DCLK1: variants seen among roughly 807,000 people sequenced by gnomAD.
DCLK1 encodes the protein serine/threonine-protein kinase DCLK1.
A neutral mutation model predicts 86.2 loss-of-function variants in DCLK1; 16 were observed. The observed-to-expected ratio is 0.19, with a 90% CI of 0.13 to 0.28. The LOEUF (loss-of-function observed/expected upper bound fraction) is 0.28. Ranked by LOEUF, DCLK1 falls within the 10% of genes least tolerant of loss-of-function variation. DCLK1 has a pLI of 1.00. For missense variants in DCLK1, 590 were observed against 940.2 expected (o/e 0.63, Z 4.87); for synonymous variants, 369 against 370.5 (o/e 1.00, Z 0.05).
chr13:35,889,737 T>C (rs966027025), intron 4 of DCLK1, among the ~76,000 whole-genome samples: 3 of 152,186 alleles, frequency 2.0e-5, no homozygotes, highest in African/African-American at 7.2e-5. Context: ...ATGACATTTA[T>C]TTTGACAAAC....
intron 4 of DCLK1, among the ~76,000 whole-genome samples, chr13:35,877,922 C>T (rs1277355956): frequency 1.3e-5 from 2 of 152,210 alleles, no homozygotes; most frequent in African/African-American, 4.8e-5. Flanking sequence ...TCTGATTCTC[C>T]AATTCTCCAA....
At chr13:36,073,611 T>C (rs903814465) in intron 3 of DCLK1, among the ~76,000 whole-genome samples, 1 of 152,130 alleles carries the variant, frequency 6.6e-6, no homozygotes, top group African/African-American at 2.4e-5. Flanking sequence ...GGAAGATGAA[T>C]GGTGTCCTGT....
At chr13:36,048,848 G>A (rs1593846514) in intron 3 of DCLK1, among the ~76,000 whole-genome samples, 1 of 152,106 alleles carries the variant, frequency 6.6e-6, no homozygotes, top group East Asian at 1.9e-4. Context: ...GCACCTGTGG[G>A]CAAATGCTGC....
rs1884906109 is a variant in DCLK1, at chr13:36,093,470, A to G, written c.723+18399T>C. On this transcript the variant is annotated intron_variant, in intron 3 of 16. Coordinates refer to ENST00000360631, the MANE Select transcript of DCLK1 (RefSeq NM_001330071.2). Reference sequence around the variant, plus strand: ...TAGACCATGACTTCCATGTTTTTAAATGAAAACAGCACCGTGTGATTAAAG... The same window carrying G: ...TAGACCATGACTTCCATGTTTTTAAGTGAAAACAGCACCGTGTGATTAAAG... Among the ~76,000 whole-genome samples the G allele has an allele frequency of 2.6e-5, 4 of 152,354 alleles. No individual in the cohort carries two copies. In the South Asian group the frequency reaches 8.3e-4, roughly 32 times the overall value.
At chr13:36,119,666 A>G (rs1241764428) in intron 2 of DCLK1, among the ~76,000 whole-genome samples, 1 of 152,130 alleles carries the variant, frequency 6.6e-6, no homozygotes, top group Non-Finnish European at 1.5e-5. Flanking sequence ...ACAAACCCAA[A>G]CTGTGGGACA....
chr13:35,827,847 G>C, intron 9 of DCLK1, 93 bp from the exon 10 acceptor site: 3 of 1,474,922 alleles, frequency 2.0e-6, no homozygotes, highest in Non-Finnish European at 2.8e-6. Context: ...AGGGTCAAGA[G>C]AGATGCATTT....
In DCLK1 at chr13:35,944,181, C is replaced by G. The variant is rs2153132497; in HGVS notation, c.823+3177G>C. On this transcript the variant is annotated intron_variant, in intron 4 of 16. Transcript: ENST00000360631. ...TCCAAGGATGGACCTTAAGAGACAT[C>G]CTTAGGAGATTTCCTAGCAGTAATT... 1.3e-5 allele frequency among the ~76,000 whole-genome samples: 2 copies of G among 152,294 alleles called. 1 individual carries two copies. Among genetic ancestry groups the G allele is most frequent in the South Asian group, 4.1e-4 (2 of 4,824 alleles).
intron 16 of DCLK1, among the ~76,000 whole-genome samples, chr13:35,792,114 T>A (rs2086717032): frequency 6.6e-6 from 1 of 152,222 alleles, no homozygotes; most frequent in East Asian, 1.9e-4. Context: ...CAACTTGAAA[T>A]TTTAAAACTT....
At chr13:36,038,859 G>C (rs1237467274) in intron 3 of DCLK1, among the ~76,000 whole-genome samples, 7 of 152,148 alleles carry the variant, frequency 4.6e-5, no homozygotes, top group Non-Finnish European at 8.8e-5. Context: ...ATATCTAGGA[G>C]GTAGCAGATT....
intron 2 of DCLK1, 43 bp from the exon 3 acceptor site, chr13:36,112,258 C>T (rs756812109): frequency 7.2e-6 from 10 of 1,398,016 alleles, no homozygotes; most frequent in South Asian, 4.4e-5. Context: ...CTAAAATATG[C>T]CCATTTCTTT....
intron 11 of DCLK1, 68 bp from the exon 12 acceptor site, chr13:35,811,036 G>A (rs2087130451): frequency 1.3e-6 from 2 of 1,592,150 alleles, no homozygotes; most frequent in Admixed American, 1.8e-5. Context: ...TTGAAGAAAT[G>A]AGGAACACTG....
At chr13:35,981,991 T>A (rs1240960838) in intron 3 of DCLK1, among the ~76,000 whole-genome samples, 2 of 152,220 alleles carry the variant, frequency 1.3e-5, no homozygotes, top group African/African-American at 4.8e-5. Flanking sequence ...TCCTAGTGGG[T>A]GTGAGGTAGA....
intron 3 of DCLK1, among the ~76,000 whole-genome samples, chr13:36,094,046 AT>A (rs1025791380): frequency 6.6e-6 from 1 of 152,068 alleles, no homozygotes; most frequent in Admixed American, 6.6e-5. Flanking sequence ...CCAGCCAAAA[AT>A]TTTTTTAATG....
chr13:35,987,968 G>T (rs1880023921), intron 3 of DCLK1, among the ~76,000 whole-genome samples: 2 of 152,196 alleles, frequency 1.3e-5, no homozygotes, highest in Non-Finnish European at 2.9e-5. Flanking sequence ...GGGGTCCCCA[G>T]TCTCAGGCCA....
intron 4 of DCLK1, among the ~76,000 whole-genome samples, chr13:35,942,864 T>C (rs147134406): frequency 2.6e-5 from 4 of 152,306 alleles, no homozygotes; most frequent in African/African-American, 9.6e-5. Context: ...AGCTCTGTTG[T>C]TGATGTATTC....
chr13:35,861,950 T>G (rs1044930031), intron 5 of DCLK1, among the ~76,000 whole-genome samples: 2 of 140,180 alleles, frequency 1.4e-5, no homozygotes, highest in Admixed American at 1.6e-4. Flanking sequence ...GAGAATGGCA[T>G]GAACCCAGGA....
rs145907294 is a variant in DCLK1 at position 35,844,614 on chromosome 13, A to G, written c.1036-5438T>C. Among the ~76,000 whole-genome samples the G allele has an allele frequency of 1.1e-3, 175 of 152,340 alleles. 1 individual carries two copies. The highest frequency in any genetic ancestry group is 3.9e-3 in the African/African-American group (164 of 41,580). ...ATCCACTGTATTTCCTCTGGATAGA[A>G]TAATTCCCTCCATGATTTACTCCTC... On this transcript the variant is annotated intron_variant, in intron 6 of 16. Coordinates refer to ENST00000360631, the MANE Select transcript of DCLK1 (RefSeq NM_001330071.2).
rs541289024 is a variant in DCLK1, at chr13:35,841,360, A to G, written c.1036-2184T>C. ...ATGAAAACATCTTTTAAACTGTAAC[A>G]TTCTATAAACTTGTGGGCTTTCACT... On this transcript the variant is annotated intron_variant, in intron 6 of 16. Coordinates refer to ENST00000360631, the MANE Select transcript of DCLK1 (RefSeq NM_001330071.2). Among the ~76,000 whole-genome samples, 16 of 152,308 alleles carry G rather than the reference A, an allele frequency of 1.1e-4. No homozygotes were observed. The South Asian group carries it at 3.3e-3, about 32-fold the overall frequency.
At chr13:35,942,671 A>G (rs184120821) in intron 4 of DCLK1, among the ~76,000 whole-genome samples, 72 of 152,332 alleles carry the variant, frequency 4.7e-4, no homozygotes, top group Non-Finnish European at 8.4e-4. Context: ...TGGACAGAGA[A>G]GATAAATCAA....
Sources: gnomAD v4.1 joint callset for allele counts (sites outside exome capture counted in the v4.1 genomes callset) on GRCh38, gnomAD v4.1.1 for gene constraint, MANE v1.5 for transcripts, NCBI Gene and HGNC (gene_info 2026-07-23, HGNC 2026-07-21) for gene names.